The following PLCL1 variants were observed in gnomAD, a reference collection of about 807,000 sequenced individuals.
The protein encoded by PLCL1 is inactive phospholipase C-like protein 1.
In PLCL1, 41 loss-of-function variants were observed where a neutral mutation model predicts 84.4. That is an observed-to-expected ratio of 0.49 (90% CI 0.38 to 0.63). PLCL1 has a LOEUF of 0.63. Among genes scored for constraint, PLCL1 ranks in the 30% least tolerant of loss-of-function variants. The pLI, the probability that PLCL1 is intolerant of heterozygous loss-of-function variation, is 0.00. For synonymous variants in PLCL1, 490 were observed against 488.3 expected (o/e 1.00, Z -0.05); for missense variants, 1,206 against 1,367.8 (o/e 0.88, Z 1.87).
intron 1 of PLCL1, among the ~76,000 whole-genome samples, chr2:197,922,802 C>G (rs1187516143): frequency 1.5e-4 from 17 of 115,280 alleles, no homozygotes; most frequent in South Asian, 2.9e-4. Flanking sequence ...CCCTCCCGGA[C>G]GGGGCGGCTG....
intron 1 of PLCL1, among the ~76,000 whole-genome samples, chr2:197,987,666 A>G (rs1340329547): frequency 6.6e-6 from 1 of 152,216 alleles, no homozygotes; most frequent in East Asian, 1.9e-4. Context: ...TCCTGGCTTC[A>G]TGGCCAGATT....
In PLCL1 at chr2:198,095,091, T is replaced by G. The variant is rs571282979; in HGVS notation, c.2919+6030T>G. On this transcript the variant is annotated intron_variant, in intron 3 of 5. Transcript: ENST00000428675. ...ACACAAAGAGAAGAGCTGTTGGCAT[T>G]GGATTGTTCACCACAGTGCCATTTC... Among the ~76,000 whole-genome samples the G allele has an allele frequency of 5.9e-5, 9 of 152,322 alleles. No homozygotes were observed. In the South Asian group the frequency reaches 1.9e-3, roughly 32 times the overall value.
intron 1 of PLCL1, among the ~76,000 whole-genome samples, chr2:197,808,820 G>A (rs700666): frequency 0.73 from 110,543 of 152,098 alleles, 41,211 homozygotes; most frequent in African/African-American, 0.9. Flanking sequence ...CATTGTATGT[G>A]ACACATTGAC....
intron 5 of PLCL1, among the ~76,000 whole-genome samples, chr2:198,132,077 T>TC (rs1694133676): frequency 6.6e-6 from 1 of 152,196 alleles, no homozygotes; most frequent in Non-Finnish European, 1.5e-5. Flanking sequence ...CTTTTATTCC[T>TC]CTCTATATTT....
Position 198,149,474 on chromosome 2 carries a change from GGTCT to G in PLCL1, c.*2518_*2521del, listed in dbSNP as rs1224409295. 1.3e-5 allele frequency: 2 copies of G among 151,744 alleles called. No homozygotes were observed. Among genetic ancestry groups the G allele is most frequent in the East Asian group, 1.9e-4 (1 of 5,170 alleles). 9.4% of individuals were successfully genotyped at this position (151,744 alleles called of 1,614,324 possible). Reference sequence around the variant, plus strand: ...AATGGAATAATTGATTTTGAACTTGGGTCTGTCTGATTTCATGTGCAAGATTATA... The same window carrying G: ...AATGGAATAATTGATTTTGAACTTGGGTCTGATTTCATGTGCAAGATTATA... On this transcript the variant is annotated 3_prime_UTR_variant, in exon 6 of 6. Transcript: ENST00000428675.
intron 1 of PLCL1, among the ~76,000 whole-genome samples, chr2:198,028,214 A>G (rs1439760238): frequency 6.6e-6 from 1 of 152,232 alleles, no homozygotes; most frequent in Admixed American, 6.5e-5. Context: ...AAAAGTAAAA[A>G]TTTATACCAA....
At chr2:198,001,943 C>T in intron 1 of PLCL1, 1 of 424,920 alleles carries the variant, frequency 2.4e-6, no homozygotes, top group Non-Finnish European at 4.7e-6. Context: ...TGTCTCCTAT[C>T]ACCCCCAGAT....
At chr2:197,951,029 T>G (rs879439329) in intron 1 of PLCL1, among the ~76,000 whole-genome samples, 15 of 152,110 alleles carry the variant, frequency 9.9e-5, no homozygotes, top group African/African-American at 3.4e-4. Flanking sequence ...GGAGGCTGTT[T>G]GTGTTCTAGC....
At chr2:197,965,404 A>G (rs904220897) in intron 1 of PLCL1, among the ~76,000 whole-genome samples, 1 of 152,064 alleles carries the variant, frequency 6.6e-6, no homozygotes, top group Non-Finnish European at 1.5e-5. Flanking sequence ...ATTGGTTGTC[A>G]TATCTCCTTT....
chr2:198,017,773 A>AT (rs1466418373), intron 1 of PLCL1, among the ~76,000 whole-genome samples: 1 of 152,206 alleles, frequency 6.6e-6, no homozygotes, highest in Admixed American at 6.5e-5. Context: ...CTCAAAAAAT[A>AT]TTTTTCAGCA....
intron 1 of PLCL1, among the ~76,000 whole-genome samples, chr2:197,821,200 C>G (rs1690808206): frequency 6.6e-6 from 1 of 152,042 alleles, no homozygotes; most frequent in Non-Finnish European, 1.5e-5. Context: ...ACTCAGCCCT[C>G]CAAAGTATTG....
chr2:197,946,502 G>T (rs1291868579), intron 1 of PLCL1, among the ~76,000 whole-genome samples: 1 of 134,034 alleles, frequency 7.5e-6, no homozygotes, highest in Admixed American at 7.5e-5. Flanking sequence ...ATATTTTAAA[G>T]AAATTAAAAA....
chr2:198,058,727 T>C (rs1692122819), intron 1 of PLCL1, among the ~76,000 whole-genome samples: 1 of 152,116 alleles, frequency 6.6e-6, no homozygotes, highest in African/African-American at 2.4e-5. Context: ...ATGTGTCTTA[T>C]ATAGATAGGT....
At chr2:198,043,027 G>T (rs746593801) in intron 1 of PLCL1, among the ~76,000 whole-genome samples, 7 of 152,158 alleles carry the variant, frequency 4.6e-5, no homozygotes, top group Non-Finnish European at 1.0e-4. Flanking sequence ...TTCCAAGAGA[G>T]GATATATTGG....
intron 1 of PLCL1, among the ~76,000 whole-genome samples, chr2:197,864,584 A>G (rs978886247): frequency 6.6e-6 from 1 of 151,616 alleles, no homozygotes; most frequent in African/African-American, 2.4e-5. Flanking sequence ...GGGCTCAAGC[A>G]ATCTTCCTAC....
chr2:197,909,424 C>A (rs1014158729), intron 1 of PLCL1, among the ~76,000 whole-genome samples: 1 of 151,796 alleles, frequency 6.6e-6, no homozygotes, highest in African/African-American at 2.4e-5. Flanking sequence ...GGACTGGCTG[C>A]GTGTTCTGAG....
At chr2:198,067,127 CTTT>C (rs536395932) in intron 1 of PLCL1, among the ~76,000 whole-genome samples, 10 of 136,492 alleles carry the variant, frequency 7.3e-5, no homozygotes, top group Non-Finnish European at 9.6e-5. Context: ...TTGTGGCCCT[CTTT>C]TTTTTTTTTT....
chr2:197,824,869 G>A (rs1363140370), intron 1 of PLCL1, among the ~76,000 whole-genome samples: 1 of 152,122 alleles, frequency 6.6e-6, no homozygotes, highest in Non-Finnish European at 1.5e-5. Flanking sequence ...GCTCTGTAAA[G>A]GCAGGGGCCT....
chr2:197,880,232 G>T (rs1687805177), intron 1 of PLCL1, among the ~76,000 whole-genome samples: 1 of 152,094 alleles, frequency 6.6e-6, no homozygotes, highest in African/African-American at 2.4e-5. Flanking sequence ...TATGAAATTA[G>T]ATTTTTTTTC....
Sources: allele counts gnomAD v4.1 joint callset (sites outside exome capture counted in the v4.1 genomes callset), GRCh38; gene constraint gnomAD v4.1.1; transcripts MANE v1.5; gene names NCBI Gene and HGNC (gene_info 2026-07-23, HGNC 2026-07-21).